RBFOX1: variants seen among roughly 807,000 people sequenced by gnomAD.
The protein encoded by RBFOX1 is RNA binding protein fox-1 homolog 1.
Under a neutral mutation model 57.7 loss-of-function variants are expected in RBFOX1, and 8 were observed. The ratio of observed to expected loss-of-function variants is 0.14; its 90% CI spans 0.08 to 0.25. The LOEUF is 0.25. RBFOX1 is among the 10% of genes least tolerant of loss of function. RBFOX1 has a pLI of 1.00. For synonymous variants in RBFOX1, 326 were observed against 222.4 expected, an observed-to-expected ratio of 1.47 and a Z score of -4.15; for missense variants, 611 against 548.5, an observed-to-expected ratio of 1.11 and a Z score of -1.14.
At chr16:5,536,952 A>C (rs751334385) in intron 2 of RBFOX1, among the ~76,000 whole-genome samples, 13 of 152,186 alleles carry the variant, frequency 8.5e-5, no homozygotes, top group Non-Finnish European at 1.6e-4. Context: ...TTTTCTTTGC[A>C]CATAACTGCA....
At chr16:6,045,092 C>A (rs116533977) in intron 1 of RBFOX1, among the ~76,000 whole-genome samples, 65 of 152,292 alleles carry the variant, frequency 4.3e-4, no homozygotes, top group African/African-American at 1.5e-3. Context: ...TTCAGACCAA[C>A]GGAACTAAAG....
At chr16:5,514,540 A>G (rs986847008) in intron 2 of RBFOX1, among the ~76,000 whole-genome samples, 3 of 152,206 alleles carry the variant, frequency 2.0e-5, no homozygotes. Context: ...CAGAAGGCAT[A>G]GTGTGGGTAC....
In RBFOX1 at chr16:6,004,320, G is replaced by C. The variant is rs187087586; in HGVS notation, c.351+136985G>C. 9.6e-4 allele frequency among the ~76,000 whole-genome samples: 146 copies of C among 152,284 alleles called. 1 individual carries two copies. The highest frequency in any genetic ancestry group is 3.5e-3 in the African/African-American group (145 of 41,556). ...TGGACATTTCACTTAGCTTCTCTAA[G>C]CCTCAGTTTTCTTATCTGCAAAATG... On this transcript the variant is annotated intron_variant, in intron 4 of 19. Coordinates refer to the RBFOX1 transcript ENST00000641259.
intron 4 of RBFOX1, among the ~76,000 whole-genome samples, chr16:7,065,133 G>C (rs2055637503): frequency 1.3e-5 from 2 of 152,190 alleles, no homozygotes; most frequent in African/African-American, 2.4e-5. Flanking sequence ...TCTGTATGGA[G>C]ACGCATTTGT....
At chr16:5,910,934 C>T (rs2058587396) in intron 4 of RBFOX1, among the ~76,000 whole-genome samples, 2 of 152,190 alleles carry the variant, frequency 1.3e-5, no homozygotes, top group African/African-American at 4.8e-5. Flanking sequence ...GACTCTCCTC[C>T]CTGTGTTCCC....
At chr16:5,934,241 C>T (rs1187924813) in intron 4 of RBFOX1, among the ~76,000 whole-genome samples, 1 of 152,230 alleles carries the variant, frequency 6.6e-6, no homozygotes, top group African/African-American at 2.4e-5. Flanking sequence ...GCAAACACAG[C>T]TTTAATGCCT....
intron 3 of RBFOX1, among the ~76,000 whole-genome samples, chr16:6,982,263 C>G (rs949101738): frequency 2.0e-5 from 3 of 152,158 alleles, no homozygotes; most frequent in African/African-American, 7.2e-5. Context: ...AATTTGAAAA[C>G]CCTTTTCCAG....
chr16:6,747,813 C>T (rs998541791), intron 3 of RBFOX1, among the ~76,000 whole-genome samples: 9 of 152,096 alleles, frequency 5.9e-5, no homozygotes, highest in African/African-American at 2.2e-4. Flanking sequence ...TGTGACATAT[C>T]CTCAGTCCCT....
chr16:5,993,840 A>G, intron 4 of RBFOX1, among the ~76,000 whole-genome samples: 1 of 152,184 alleles, frequency 6.6e-6, no homozygotes, highest in Non-Finnish European at 1.5e-5. Context: ...TGTGCTTGTA[A>G]TTAATATAGG....
chr16:6,465,235 A>C (rs1184603199), intron 2 of RBFOX1, among the ~76,000 whole-genome samples: 1 of 152,152 alleles, frequency 6.6e-6, no homozygotes, highest in Non-Finnish European at 1.5e-5. Context: ...GGTTATTTGG[A>C]AAAAGAAAGT....
At chr16:6,029,382 T>C (rs556889003) in intron 1 of RBFOX1, among the ~76,000 whole-genome samples, 1 of 152,328 alleles carries the variant, frequency 6.6e-6, no homozygotes, top group South Asian at 2.1e-4. Flanking sequence ...AGAAAGCCGA[T>C]TAGCCACAAA....
chr16:6,561,132 A>G (rs2097174240), intron 2 of RBFOX1, among the ~76,000 whole-genome samples: 1 of 152,162 alleles, frequency 6.6e-6, no homozygotes, highest in South Asian at 2.1e-4. Context: ...TTTGTAACAA[A>G]AAGTAATTGG....
chr16:6,188,616 C>G (rs937644565), intron 1 of RBFOX1, among the ~76,000 whole-genome samples: 1 of 151,988 alleles, frequency 6.6e-6, no homozygotes, highest in Non-Finnish European at 1.5e-5. Context: ...CCTTGTTTCC[C>G]AGCTACCAGA....
intron 1 of RBFOX1, among the ~76,000 whole-genome samples, chr16:6,276,074 G>A (rs2075770179): frequency 6.6e-6 from 1 of 152,142 alleles, no homozygotes; most frequent in Non-Finnish European, 1.5e-5. Context: ...GGATGGATAT[G>A]AAGGGATTTA....
At chr16:6,598,592 A>C in intron 2 of RBFOX1, among the ~76,000 whole-genome samples, 1 of 152,216 alleles carries the variant, frequency 6.6e-6, no homozygotes, top group African/African-American at 2.4e-5. Context: ...AAGGACTTGT[A>C]GTTTATGATC....
intron 2 of RBFOX1, among the ~76,000 whole-genome samples, chr16:6,642,640 T>C (rs1293467542): frequency 1.4e-5 from 2 of 140,352 alleles, no homozygotes; most frequent in African/African-American, 5.1e-5. Context: ...TCACAGGAGG[T>C]AGGGATGCCA....
At chr16:5,989,156 TAA>T (rs71404568) in intron 4 of RBFOX1, among the ~76,000 whole-genome samples, 17 of 133,984 alleles carry the variant, frequency 1.3e-4, no homozygotes, top group Admixed American at 3.0e-4. Flanking sequence ...CTGTCTCTAC[TAA>T]AAAAAAAAAA....
rs996088308 is a variant in RBFOX1 at position 7,353,636 on chromosome 16, A to G, written c.28-164511A>G. ...GGGATATGTTCAGGTATAAAATGAA[A>G]TGATGTCTTACATGCTGTAGTGTGG... is the stretch of plus-strand genomic sequence containing the variant. On this transcript the variant is annotated intron_variant, in intron 4 of 15. Transcript: ENST00000550418. Among the ~76,000 whole-genome samples the G allele has an allele frequency of 7.2e-5, 11 of 152,358 alleles. No homozygotes were observed. In the East Asian group the frequency reaches 9.7e-4, roughly 13 times the overall value.
At chr16:6,138,024 C>T (rs527806845) in intron 1 of RBFOX1, among the ~76,000 whole-genome samples, 19 of 152,304 alleles carry the variant, frequency 1.2e-4, no homozygotes, top group East Asian at 1.9e-4. Flanking sequence ...ACTGGAGCAA[C>T]GCTTCAATCC....
Sources: allele counts gnomAD v4.1 joint callset (sites outside exome capture counted in the v4.1 genomes callset), GRCh38; gene constraint gnomAD v4.1.1; transcripts MANE v1.5; gene names NCBI Gene and HGNC (gene_info 2026-07-23, HGNC 2026-07-21).